Variants in ACO2 observed in about 807,000 individuals in gnomAD.
ACO2 encodes aconitate hydratase, mitochondrial.
Under a neutral mutation model 84.5 loss-of-function variants are expected in ACO2, and 31 were observed. The ratio of observed to expected loss-of-function variants is 0.37; its 90% CI spans 0.28 to 0.50. The LOEUF (loss-of-function observed/expected upper bound fraction) is 0.50. ACO2 is among the 20% of genes least tolerant of loss of function. The pLI, the probability that ACO2 is intolerant of heterozygous loss-of-function variation, is 0.97. For missense variants in ACO2, 685 were observed against 1,029.3 expected (o/e 0.67, Z 4.58); for synonymous variants, 414 against 412.7 (o/e 1.00, Z -0.04).
intron 8 of ACO2, 126 bp from the exon 9 acceptor site, chr22:41,520,045 A>C: frequency 1.3e-6 from 1 of 752,668 alleles, no homozygotes; most frequent in Non-Finnish European, 2.2e-6. Context: ...CCCTGTGATG[A>C]GGTTTCAGTC....
chr22:41,487,877 A>G (rs2066241801), intron 1 of ACO2, among the ~76,000 whole-genome samples: 1 of 152,058 alleles, frequency 6.6e-6, no homozygotes, highest in African/African-American at 2.4e-5. Context: ...CCATTTTCCC[A>G]GTTACTTAGG....
chr22:41,512,243 G>T, intron 4 of ACO2: 1 of 385,676 alleles, frequency 2.6e-6, no homozygotes, highest in Non-Finnish European at 4.7e-6. Context: ...TTGTCTTCTG[G>T]GTGTGTACTC....
At chr22:41,478,022 G>A (rs529017387) in intron 1 of ACO2, among the ~76,000 whole-genome samples, 120 of 151,914 alleles carry the variant, frequency 7.9e-4, no homozygotes, top group African/African-American at 2.8e-3. Flanking sequence ...CCGAGATCAC[G>A]CTGCTGCACT....
intron 3 of ACO2, among the ~76,000 whole-genome samples, chr22:41,508,681 C>G (rs540009956): frequency 9.2e-5 from 14 of 152,178 alleles, no homozygotes; most frequent in Middle Eastern, 3.2e-3. Context: ...GCTTTTCCCC[C>G]ACCCTTCTAT....
intron 12 of ACO2, among the ~76,000 whole-genome samples, chr22:41,524,154 T>C (rs909303944): frequency 1.3e-5 from 2 of 152,236 alleles, no homozygotes; most frequent in Admixed American, 1.3e-4. Flanking sequence ...TTTGTGCTTA[T>C]GAGCATGGAA....
In ACO2 at chr22:41,515,950, C is replaced by T. The variant is rs2066472902; in HGVS notation, c.835+33C>T. 6.2e-7 allele frequency: 1 copy of T among 1,601,762 alleles called. No individual in the cohort carries two copies. Among genetic ancestry groups the T allele is most frequent in the East Asian group, 2.3e-5 (1 of 44,150 alleles). On this transcript the variant is annotated intron_variant, in intron 6 of 17. Coordinates refer to ENST00000216254, the MANE Select transcript of ACO2 (RefSeq NM_001098.3). The surrounding 1 kb of genome is among the most constrained non-coding windows in gnomAD (Gnocchi z 5.8). Reference sequence around the variant, plus strand: ...AGGCGGCCAGGCGACGTGGCCCCTACCCTGTGCTGGGCCTGATGGGTCTCC... The same window carrying T: ...AGGCGGCCAGGCGACGTGGCCCCTATCCTGTGCTGGGCCTGATGGGTCTCC...
At chr22:41,470,667 C>T (rs533372940) in intron 1 of ACO2, among the ~76,000 whole-genome samples, 6 of 151,462 alleles carry the variant, frequency 4.0e-5, no homozygotes, top group Non-Finnish European at 8.8e-5. Flanking sequence ...CTCAGCTTCC[C>T]GAGTAGCTGG....
chr22:41,469,166 T>C lies in ACO2; in HGVS notation c.20T>C (p.Leu7Pro), dbSNP rs1281833422. 3 of 1,609,356 alleles carry C rather than the reference T, an allele frequency of 1.9e-6. No individual in the cohort carries two copies. Among genetic ancestry groups the C allele is most frequent in the East Asian group, 2.3e-5 (1 of 44,290 alleles). ...CACAAAATGGCGCCCTACAGCCTAC[T>C]GGTGACTCGGCTGCAGGTGAGCGAG... Reference protein sequence around the residue: MAPYSLLVTRLQKALGV... With the variant: MAPYSLPVTRLQKALGV... The change falls in exon 1 of 18, where the codon CTG becomes CCG. Residue 7 changes from leucine (L) to proline (P), a missense_variant. Coordinates refer to ENST00000216254, the MANE Select transcript of ACO2 (RefSeq NM_001098.3).
At chr22:41,499,968 C>A (rs1414658148) in intron 2 of ACO2, 106 bp downstream of exon 2, 2 of 1,438,658 alleles carry the variant, frequency 1.4e-6, no homozygotes, top group Non-Finnish European at 1.9e-6. Context: ...GTGATAGTGG[C>A]AGGGTCAAGG....
intron 1 of ACO2, among the ~76,000 whole-genome samples, chr22:41,480,020 G>C (rs934360161): frequency 1.3e-5 from 2 of 152,204 alleles, no homozygotes; most frequent in Admixed American, 6.5e-5. Flanking sequence ...TTTTGTTCCT[G>C]CCAGTTGCAT....
At chr22:41,523,152 C>T in intron 10 of ACO2, 53 bp from the exon 11 acceptor site, 1 of 1,560,922 alleles carries the variant, frequency 6.4e-7, no homozygotes, top group Non-Finnish European at 8.8e-7. Context: ...ATCACCCCTT[C>T]CCATCAGACT....
chr22:41,526,215 C>T (rs372998239), intron 14 of ACO2, 47 bp from the exon 15 acceptor site: 25 of 1,566,780 alleles, frequency 1.6e-5, no homozygotes, highest in East Asian at 1.1e-4. Context: ...TCATCCACCC[C>T]TCCAGGGCCA....
chr22:41,517,424 AGCAAT>A (rs1424978218), intron 6 of ACO2, 98 bp from the exon 7 acceptor site: 1 of 881,068 alleles, frequency 1.1e-6, no homozygotes, highest in East Asian at 2.7e-5. Flanking sequence ...TGGGAGGAGA[AGCAAT>A]GCAGCTCCCT....
At position 41,474,592 on chromosome 22, in the gene ACO2, CTTTTTTTTTTTTTT is replaced by C. The variant is rs34289556; in HGVS notation, c.36+5421_36+5434del. Among the ~76,000 whole-genome samples the C allele has an allele frequency of 2.7e-4, 8 of 29,658 alleles. No individual in the cohort carries two copies. The Admixed American group carries it at 4.9e-3, about 18-fold the overall frequency. The allele number at this position is 29,658 out of a possible 152,430, so 19.5% of individuals were successfully genotyped here. On this transcript the variant is annotated intron_variant, in intron 1 of 17. Transcript: ENST00000216254. ...ACAGGCGTGAGCCACTGCGCCTAGC[CTTTTTTTTTTTTTT>C]TTTTTTTTTTGAGACGGAGTCTCAC...
At chr22:41,528,246 G>A in intron 17 of ACO2, 1 of 835,932 alleles carries the variant, frequency 1.2e-6, no homozygotes, top group Non-Finnish European at 1.8e-6. Context: ...TTACTCACCA[G>A]GACCTGGCAC....
chr22:41,474,488 G>T (rs1288169281), intron 1 of ACO2, among the ~76,000 whole-genome samples: 1 of 149,560 alleles, frequency 6.7e-6, no homozygotes, highest in Non-Finnish European at 1.5e-5. Context: ...GTAGAGACGG[G>T]TTTCACGTGT....
At chr22:41,475,632 C>T (rs916884149) in intron 1 of ACO2, among the ~76,000 whole-genome samples, 6 of 152,084 alleles carry the variant, frequency 3.9e-5, no homozygotes, top group Admixed American at 2.6e-4. Flanking sequence ...TGGTGGCTCA[C>T]GCCTGTAATC....
chr22:41,527,508 T>C (rs2066626504), intron 16 of ACO2, 88 bp downstream of exon 16: 13 of 1,517,324 alleles, frequency 8.6e-6, no homozygotes, highest in Non-Finnish European at 1.1e-5. Flanking sequence ...TTGGGCCTGG[T>C]TCTAGGCTGT....
At chr22:41,481,064 G>C (rs530333911) in intron 1 of ACO2, among the ~76,000 whole-genome samples, 1 of 152,046 alleles carries the variant, frequency 6.6e-6, no homozygotes, top group South Asian at 2.1e-4. Context: ...CACCTGTCTC[G>C]GCTTCCTAAA....
Sources: allele counts gnomAD v4.1 joint callset (sites outside exome capture counted in the v4.1 genomes callset), GRCh38; gene constraint gnomAD v4.1.1; non-coding constraint Gnocchi (gnomAD v3.1); transcripts MANE v1.5; gene names NCBI Gene and HGNC (gene_info 2026-07-23, HGNC 2026-07-21).